Variants in METTL2B observed in about 807,000 individuals in gnomAD.
METTL2B encodes methyltransferase 2B, tRNA N3-cytidine.
METTL2B carries 28 observed loss-of-function variants against 51.0 expected under a neutral mutation model. The observed-to-expected ratio is 0.55, with a 90% CI of 0.41 to 0.75. The LOEUF is 0.75. METTL2B is among the 30% of genes least tolerant of loss of function. METTL2B has a pLI of 0.00. For missense variants in METTL2B, 313 were observed against 460.7 expected, an observed-to-expected ratio of 0.68 and a Z score of 2.93; for synonymous variants, 128 against 166.3, an observed-to-expected ratio of 0.77 and a Z score of 1.77.
chr7:128,503,310 T>G lies in METTL2B; in HGVS notation c.*1394T>G, dbSNP rs1793065430. The G allele has an allele frequency of 6.6e-6, 1 of 152,210 alleles. No individual in the cohort carries two copies. Among genetic ancestry groups the G allele is most frequent in the Non-Finnish European group, 1.5e-5 (1 of 68,062 alleles). The allele number at this position is 152,210 out of a possible 1,614,324, so 9.4% of individuals were successfully genotyped here. ...AATAAAAGAAAAGAATTTTCACTTT[T>G]TGCAAAATTATCTTTTTTTACTGCA... On this transcript the variant is annotated 3_prime_UTR_variant, in exon 9 of 9. Coordinates refer to ENST00000262432, the MANE Select transcript of METTL2B (RefSeq NM_018396.3).
chr7:128,493,205 C>CT (rs1289387741), intron 5 of METTL2B, among the ~76,000 whole-genome samples: 417 of 146,920 alleles, frequency 2.8e-3, no homozygotes, highest in Non-Finnish European at 4.1e-3. Flanking sequence ...TTTGCCATTA[C>CT]TTTTTTTTTT....
intron 5 of METTL2B, among the ~76,000 whole-genome samples, chr7:128,489,153 G>T (rs886829562): frequency 2.6e-5 from 4 of 151,930 alleles, no homozygotes; most frequent in Admixed American, 6.6e-5. Context: ...TTATTGGTTG[G>T]CCACAATGGC....
Position 128,484,823 on chromosome 7 carries a change from T to C in METTL2B, c.609-3278T>C, listed in dbSNP as rs559362278. 1.4e-3 allele frequency among the ~76,000 whole-genome samples: 218 copies of C among 152,092 alleles called. 1 individual carries two copies. The highest frequency in any genetic ancestry group is 2.3e-3 in the Non-Finnish European group (156 of 68,004). On this transcript the variant is annotated intron_variant, in intron 4 of 8. Coordinates refer to ENST00000262432, the MANE Select transcript of METTL2B (RefSeq NM_018396.3). ...GTCTCGAACTCCTGACCTCGTGATCTGCCTGCCTCGGCCTGCCAAAGTGCT... is the reference window on the plus strand; with the variant it reads ...GTCTCGAACTCCTGACCTCGTGATCCGCCTGCCTCGGCCTGCCAAAGTGCT...
intron 5 of METTL2B, among the ~76,000 whole-genome samples, chr7:128,491,738 G>A (rs1281354690): frequency 1.4e-5 from 2 of 142,124 alleles, no homozygotes; most frequent in Admixed American, 7.5e-5. Context: ...CTCCAGCCTG[G>A]GCAACAGAAC....
intron 6 of METTL2B, among the ~76,000 whole-genome samples, chr7:128,494,240 C>T (rs575981585): frequency 6.6e-6 from 1 of 152,288 alleles, no homozygotes; most frequent in East Asian, 1.9e-4. Flanking sequence ...AATCCTCCCA[C>T]CTTGGCCTCC....
At chr7:128,488,182 C>G (rs1445876551) in intron 5 of METTL2B, 21 bp downstream of exon 5, 2 of 1,611,812 alleles carry the variant, frequency 1.2e-6, no homozygotes, top group Non-Finnish European at 1.7e-6. Flanking sequence ...TGGGAAATTA[C>G]CTATTGGTAA....
At chr7:128,480,573 T>C (rs2116842000) in intron 3 of METTL2B, 74 bp from the exon 4 acceptor site, 1 of 1,607,590 alleles carries the variant, frequency 6.2e-7, no homozygotes, top group Non-Finnish European at 8.5e-7. Flanking sequence ...TTGATTATTA[T>C]TTTTCTAGCT....
chr7:128,477,202 C>T, intron 2 of METTL2B, 29 bp downstream of exon 2: 1 of 1,613,334 alleles, frequency 6.2e-7, no homozygotes, highest in Non-Finnish European at 8.5e-7. Context: ...TCGTTGGTAT[C>T]AACAGCCAGC....
At chr7:128,492,594 G>GGTTTGTTTGTTT (rs3993549) in intron 5 of METTL2B, among the ~76,000 whole-genome samples, 3 of 150,426 alleles carry the variant, frequency 2.0e-5, no homozygotes, top group Non-Finnish European at 4.4e-5. Flanking sequence ...TCGTGCTTTT[G>GGTTTGTTTGTTT]GTTTGTTTGT....
At chr7:128,501,692 A>C in intron 8 of METTL2B, 70 bp from the exon 9 acceptor site, 1 of 1,568,058 alleles carries the variant, frequency 6.4e-7, no homozygotes, top group Non-Finnish European at 8.6e-7. Context: ...CCATTTAACA[A>C]GGACTTAGTA....
intron 4 of METTL2B, among the ~76,000 whole-genome samples, chr7:128,485,330 C>A (rs549727008): frequency 6.6e-6 from 1 of 152,154 alleles, no homozygotes; most frequent in Non-Finnish European, 1.5e-5. Flanking sequence ...CCCAGGAGTT[C>A]AAGACGAGCC....
intron 3 of METTL2B, among the ~76,000 whole-genome samples, chr7:128,480,204 C>T (rs1799856331): frequency 1.3e-5 from 2 of 152,182 alleles, no homozygotes; most frequent in South Asian, 4.1e-4. Context: ...CAGTATCTGG[C>T]ACATTGTTAA....
chr7:128,476,908 C>G (rs751751788), intron 1 of METTL2B, 33 bp downstream of exon 1: 4 of 1,610,166 alleles, frequency 2.5e-6, no homozygotes, highest in Non-Finnish European at 3.4e-6. Context: ...CGGCCTGTCG[C>G]TGGCCGTCTG....
At position 128,502,064 on chromosome 7, in the gene METTL2B, G is replaced by A. The variant is rs1793040625; in HGVS notation, c.*148G>A. 1 of 1,133,676 alleles carries A rather than the reference G, an allele frequency of 8.8e-7. No homozygotes were observed. Among genetic ancestry groups the A allele is most frequent in the Non-Finnish European group, 1.2e-6 (1 of 810,342 alleles). The allele number at this position is 1,133,676 out of a possible 1,614,324, so 70.2% of individuals were successfully genotyped here. A position where few individuals can be genotyped will look rare whatever the true frequency, so the allele number is the denominator to read the frequency against. ...AGGATCCATTGAGCCCAGGAGTCCAGCCTGGGCAAAATAGCGAGAGACCCT... is the reference window on the plus strand; with the variant it reads ...AGGATCCATTGAGCCCAGGAGTCCAACCTGGGCAAAATAGCGAGAGACCCT... On this transcript the variant is annotated 3_prime_UTR_variant, in exon 9 of 9. Transcript: ENST00000262432.
intron 4 of METTL2B, among the ~76,000 whole-genome samples, chr7:128,487,704 A>G (rs1297525590): frequency 6.6e-6 from 1 of 152,216 alleles, no homozygotes; most frequent in African/African-American, 2.4e-5. Context: ...CTCACTCACT[A>G]TGTGGTGGGG....
chr7:128,488,506 T>C (rs1402085978), intron 5 of METTL2B: 4 of 488,614 alleles, frequency 8.2e-6, no homozygotes, highest in Non-Finnish European at 1.7e-5. Context: ...TATGTTATAG[T>C]GTGTGACGTT....
At chr7:128,477,209 C>T (rs766959939) in intron 2 of METTL2B, 36 bp downstream of exon 2, 7 of 1,612,730 alleles carry the variant, frequency 4.3e-6, no homozygotes, top group Middle Eastern at 1.6e-4. Context: ...TATCAACAGC[C>T]AGCGTACTGC....
At chr7:128,489,571 G>A (rs1303381433) in intron 5 of METTL2B, among the ~76,000 whole-genome samples, 1 of 151,798 alleles carries the variant, frequency 6.6e-6, no homozygotes, top group African/African-American at 2.4e-5. Context: ...ACTGATCAGG[G>A]TGGTGATTGC....
intron 3 of METTL2B, 55 bp from the exon 4 acceptor site, chr7:128,480,592 T>G (rs1584788993): frequency 1.2e-6 from 2 of 1,611,594 alleles, no homozygotes; most frequent in East Asian, 2.2e-5. Context: ...CTTTTCTAGC[T>G]TTCGGGAATT....
Sources: gnomAD v4.1 joint callset for allele counts (sites outside exome capture counted in the v4.1 genomes callset) on GRCh38, gnomAD v4.1.1 for gene constraint, MANE v1.5 for transcripts, NCBI Gene and HGNC (gene_info 2026-07-23, HGNC 2026-07-21) for gene names.